The following KLHL14 variants were observed in gnomAD, a reference collection of about 807,000 sequenced individuals.
The protein encoded by KLHL14 is kelch-like protein 14.
In KLHL14, 22 loss-of-function variants were observed where a neutral mutation model predicts 64.3. That is an observed-to-expected ratio of 0.34 (90% CI 0.24 to 0.49). The LOEUF (loss-of-function observed/expected upper bound fraction) is 0.49, where lower values mean the gene tolerates loss of function less well. Ranked by LOEUF, KLHL14 falls within the 20% of genes least tolerant of loss-of-function variation. KLHL14 has a pLI of 0.99. For synonymous variants in KLHL14, 322 were observed against 333.4 expected (o/e 0.97, Z 0.37); for missense variants, 661 against 789.0 (o/e 0.84, Z 1.94).
intron 2 of KLHL14, among the ~76,000 whole-genome samples, chr18:32,758,171 G>A (rs1040168142): frequency 9.9e-5 from 15 of 151,854 alleles, no homozygotes; most frequent in African/African-American, 3.6e-4. Context: ...TGCCCAGGCT[G>A]GAGTGCAGTG....
intron 2 of KLHL14, among the ~76,000 whole-genome samples, chr18:32,746,924 C>G (rs1369896985): frequency 6.6e-6 from 1 of 152,140 alleles, no homozygotes; most frequent in Non-Finnish European, 1.5e-5. Flanking sequence ...TAGGATGAGT[C>G]TTAAAAAATC....
At chr18:32,730,302 A>ATC (rs1408674501) in intron 3 of KLHL14, among the ~76,000 whole-genome samples, 2 of 152,172 alleles carry the variant, frequency 1.3e-5, no homozygotes, top group Non-Finnish European at 2.9e-5. Flanking sequence ...GTGAGCTATG[A>ATC]TCTCTCTCCT....
At chr18:32,750,061 CGT>C (rs1196629938) in intron 2 of KLHL14, among the ~76,000 whole-genome samples, 1 of 151,310 alleles carries the variant, frequency 6.6e-6, no homozygotes, top group Non-Finnish European at 1.5e-5. Context: ...GGAGAGCACA[CGT>C]GTGTGCTCTC....
intron 2 of KLHL14, among the ~76,000 whole-genome samples, chr18:32,750,762 C>T (rs78782284): frequency 0.22 from 33,316 of 152,014 alleles, 4,790 homozygotes; most frequent in East Asian, 0.55. Context: ...TCCAGCTGAG[C>T]GGCCATCAGC....
Position 32,748,375 on chromosome 18 carries a change from A to AT in KLHL14, c.948-6327dup, listed in dbSNP as rs35840363. Among the ~76,000 whole-genome samples the AT allele has an allele frequency of 9.9e-3, 1,430 of 144,914 alleles. 24 individuals are homozygous for AT. Among genetic ancestry groups the AT allele is most frequent in the African/African-American group, 0.034 (1,359 of 39,480 alleles). ...TGTATTTTGTATTTTGTATTTTTTA[A>AT]TTTTTTTTTTTTGAGATGGAGTATC... On this transcript the variant is annotated intron_variant, in intron 2 of 8. Transcript: ENST00000359358.
Position 32,713,896 on chromosome 18 carries a change from T to C in KLHL14, c.1070-18344A>G, listed in dbSNP as rs554828179. The stretch of plus-strand genomic sequence containing the variant: ...TCTTGGAACATGCAAATAATTATTT[T>C]CTAAGAGTAAATTCCTAGAAGTGGG... On this transcript the variant is annotated intron_variant, in intron 3 of 8. Transcript: ENST00000359358. Among the ~76,000 whole-genome samples the C allele has an allele frequency of 6.6e-5, 10 of 152,306 alleles. No homozygotes were observed. In the East Asian group the frequency reaches 7.7e-4, roughly 12 times the overall value.
At chr18:32,694,484 A>G (rs2049927579) in intron 4 of KLHL14, among the ~76,000 whole-genome samples, 1 of 152,220 alleles carries the variant, frequency 6.6e-6, no homozygotes, top group African/African-American at 2.4e-5. Flanking sequence ...TTCCAACACT[A>G]GAAAATGTGG....
intron 2 of KLHL14, among the ~76,000 whole-genome samples, 160 bp downstream of exon 2, chr18:32,769,485 A>G (rs1190553355): frequency 1.3e-5 from 2 of 152,004 alleles, no homozygotes; most frequent in Admixed American, 1.3e-4. Context: ...TCTGAAATCA[A>G]CTTTCCTCAC....
intron 1 of KLHL14, chr18:32,771,243 T>C (rs1194295614): frequency 1.2e-5 from 2 of 170,570 alleles, no homozygotes; most frequent in African/African-American, 4.8e-5. Context: ...CGATTATCCA[T>C]GCTGCCCCGA....
chr18:32,760,339 T>TACACACACACACACACAC lies in KLHL14; in HGVS notation c.947+9288_947+9305dup, dbSNP rs60814600. On this transcript the variant is annotated intron_variant, in intron 2 of 8. Transcript: ENST00000359358. ...TGATTGGACTGTGTACACACAGACA[T>TACACACACACACACACAC]ACACACACACACACACACACACATA... Among the ~76,000 whole-genome samples the TACACACACACACACACAC allele has an allele frequency of 4.9e-3, 721 of 146,940 alleles. 5 individuals carry two copies. The highest frequency in any genetic ancestry group is 0.016 in the African/African-American group (641 of 41,028).
At chr18:32,704,358 A>C (rs1354966456) in intron 3 of KLHL14, among the ~76,000 whole-genome samples, 4 of 152,152 alleles carry the variant, frequency 2.6e-5, no homozygotes, top group Non-Finnish European at 5.9e-5. Flanking sequence ...AAACCCACAT[A>C]CTCAAATATG....
rs2049830429 is a variant in KLHL14, at chr18:32,680,036, A to G, written c.1588+133T>C. Reference sequence around the variant, plus strand: ...TTGCTCAAGGGTACTGCCAATTTACACAGAGTAGATTTTATTAGGTCAACA... The same window carrying G: ...TTGCTCAAGGGTACTGCCAATTTACGCAGAGTAGATTTTATTAGGTCAACA... On this transcript the variant is annotated intron_variant, in intron 7 of 8. Coordinates refer to ENST00000359358, the MANE Select transcript of KLHL14 (RefSeq NM_020805.3). This position sits in a 1 kb window ranked among gnomAD's most constrained non-coding sequence, Gnocchi z 4.8. The G allele has an allele frequency of 1.1e-6, 1 of 894,434 alleles. No homozygotes were observed. The highest frequency in any genetic ancestry group is 3.5e-4 in the Middle Eastern group (1 of 2,862). The allele number at this position is 894,434 out of a possible 1,614,324, so 55.4% of individuals were successfully genotyped here. A position where few individuals can be genotyped will look rare whatever the true frequency, so the allele number is the denominator to read the frequency against.
intron 3 of KLHL14, among the ~76,000 whole-genome samples, chr18:32,719,257 C>A (rs1431724696): frequency 6.6e-6 from 1 of 152,204 alleles, no homozygotes; most frequent in African/African-American, 2.4e-5. Flanking sequence ...TGGAAACCTG[C>A]ACTTTCAACT....
chr18:32,731,932 T>C (rs1467317960), intron 3 of KLHL14, among the ~76,000 whole-genome samples: 2 of 152,134 alleles, frequency 1.3e-5, no homozygotes, highest in Non-Finnish European at 2.9e-5. Flanking sequence ...TTAATATAAA[T>C]GGTTTTGGCT....
chr18:32,727,381 C>T (rs1042738517), intron 3 of KLHL14, among the ~76,000 whole-genome samples: 2 of 152,092 alleles, frequency 1.3e-5, no homozygotes, highest in East Asian at 1.9e-4. Context: ...AGCCCCAGTG[C>T]TGAGATTAGC....
intron 3 of KLHL14, among the ~76,000 whole-genome samples, chr18:32,726,086 A>G (rs893296449): frequency 6.6e-6 from 1 of 152,236 alleles, no homozygotes; most frequent in Non-Finnish European, 1.5e-5. Flanking sequence ...ATTATAGTGC[A>G]AGGGTTAGCA....
intron 3 of KLHL14, among the ~76,000 whole-genome samples, chr18:32,699,335 C>T (rs1278685997): frequency 2.0e-5 from 3 of 152,070 alleles, no homozygotes; most frequent in East Asian, 3.8e-4. Context: ...ACAACACTTG[C>T]GTTCTTGCTG....
At chr18:32,712,966 G>T (rs2050027365) in intron 3 of KLHL14, among the ~76,000 whole-genome samples, 1 of 152,002 alleles carries the variant, frequency 6.6e-6, no homozygotes, top group Admixed American at 6.6e-5. Context: ...CATACTCCTT[G>T]CTGGTTGCTC....
intron 3 of KLHL14, among the ~76,000 whole-genome samples, chr18:32,708,781 C>T (rs905463300): frequency 6.6e-6 from 1 of 152,144 alleles, no homozygotes; most frequent in Non-Finnish European, 1.5e-5. Flanking sequence ...GAGCTGCTTA[C>T]AGCAATAGAG....
Sources: allele counts gnomAD v4.1 joint callset (sites outside exome capture counted in the v4.1 genomes callset), GRCh38; gene constraint gnomAD v4.1.1; non-coding constraint Gnocchi (gnomAD v3.1); transcripts MANE v1.5; gene names NCBI Gene and HGNC (gene_info 2026-07-23, HGNC 2026-07-21).